Variants in IL1RAPL1 observed in about 807,000 individuals in gnomAD.
IL1RAPL1 encodes the protein interleukin 1 receptor accessory protein like 1.
A neutral mutation model predicts 48.4 loss-of-function variants in IL1RAPL1; 3 were observed. The ratio of observed to expected loss-of-function variants is 0.06; its 90% CI spans 0.03 to 0.16. The LOEUF is 0.16. Among genes scored for constraint, IL1RAPL1 ranks in the 10% least tolerant of loss-of-function variants. IL1RAPL1 has a pLI of 1.00. For synonymous variants in IL1RAPL1, 185 were observed against 187.7 expected, an observed-to-expected ratio of 0.99 and a Z score of 0.12; for missense variants, 349 against 530.6, an observed-to-expected ratio of 0.66 and a Z score of 3.36.
intron 1 of IL1RAPL1, among the ~76,000 whole-genome samples, chrX:28,751,639 G>A (rs1358467035): frequency 8.9e-6 from 1 of 112,185 alleles, no homozygotes; most frequent in African/African-American, 3.2e-5. Flanking sequence ...TGCTACAGCA[G>A]TAGATAAAAT....
intron 2 of IL1RAPL1, among the ~76,000 whole-genome samples, chrX:29,001,142 A>G (rs1490314033): frequency 1.8e-5 from 2 of 111,883 alleles, no homozygotes; most frequent in East Asian, 5.6e-4. Flanking sequence ...CATACTATAC[A>G]TTGCATGCTC....
intron 5 of IL1RAPL1, among the ~76,000 whole-genome samples, chrX:29,453,590 A>G (rs1230777020): frequency 9.0e-6 from 1 of 111,495 alleles, no homozygotes; most frequent in Non-Finnish European, 1.9e-5. Context: ...AGAAGATCAC[A>G]GTCCAACAAC....
chrX:28,769,387 T>C (rs901755558), intron 1 of IL1RAPL1, among the ~76,000 whole-genome samples: 1 of 110,717 alleles, frequency 9.0e-6, no homozygotes, highest in Non-Finnish European at 1.9e-5. Context: ...GGGCAGCCAG[T>C]GTTCAAGAGG....
chrX:29,710,333 C>A (rs1927303835), intron 6 of IL1RAPL1, among the ~76,000 whole-genome samples: 1 of 97,215 alleles, frequency 1.0e-5, no homozygotes, highest in Admixed American at 1.2e-4. Context: ...AGATTCATTT[C>A]TTCTATATCT....
chrX:28,936,424 T>C (rs1305382867), intron 2 of IL1RAPL1, among the ~76,000 whole-genome samples: 1 of 110,358 alleles, frequency 9.1e-6, no homozygotes, highest in Non-Finnish European at 1.9e-5. Context: ...GTGAGAGGAT[T>C]GCTTGAGCTC....
chrX:29,398,657 A>AGGTGCAATCATTGAAC (rs1287258160), intron 4 of IL1RAPL1, among the ~76,000 whole-genome samples: 2 of 112,406 alleles, frequency 1.8e-5, no homozygotes, highest in Non-Finnish European at 3.8e-5. Context: ...AATAGAATTT[A>AGGTGCAATCATTGAAC]GGTGCAATCA....
rs190126965 is a variant in IL1RAPL1, at chrX:28,681,613, A to G, written c.-25+93566A>G. On this transcript the variant is annotated intron_variant, in intron 1 of 10. Transcript: ENST00000378993. ...TGTACAGCAAGGTAACTACAATGAA[A>G]GATACTTGGAATTTGTTAAGAGGGT... Among the ~76,000 whole-genome samples, 16 of 111,775 alleles carry G rather than the reference A, an allele frequency of 1.4e-4. No homozygotes were observed. In the East Asian group the frequency reaches 4.5e-3, roughly 32 times the overall value.
At chrX:29,565,337 A>G (rs1922365438) in intron 5 of IL1RAPL1, among the ~76,000 whole-genome samples, 1 of 110,256 alleles carries the variant, frequency 9.1e-6, no homozygotes, top group Non-Finnish European at 1.9e-5. Flanking sequence ...AAAAAAAAAC[A>G]CAAACATTTA....
In IL1RAPL1 at chrX:29,311,436, C is replaced by T. The variant is rs112330790; in HGVS notation, c.362+28219C>T. Among the ~76,000 whole-genome samples the T allele has an allele frequency of 3.7e-3, 418 of 111,778 alleles. 3 individuals carry two copies. The highest frequency in any genetic ancestry group is 0.012 in the African/African-American group (378 of 30,779). On this transcript the variant is annotated intron_variant, in intron 3 of 10. Coordinates refer to ENST00000378993, the MANE Select transcript of IL1RAPL1 (RefSeq NM_014271.4). ...GAATACTAGCCTGTCTATGTGCTGC[C>T]AAAGCGAGCACAGGAATACTAGCCT...
intron 5 of IL1RAPL1, among the ~76,000 whole-genome samples, chrX:29,447,647 G>A (rs958809080): frequency 8.0e-5 from 9 of 112,040 alleles, no homozygotes; most frequent in African/African-American, 2.9e-4. Flanking sequence ...ATTATAGAAA[G>A]AGTCCTTATA....
At chrX:29,834,050 T>G (rs999576001) in intron 6 of IL1RAPL1, among the ~76,000 whole-genome samples, 19 of 112,064 alleles carry the variant, frequency 1.7e-4, no homozygotes, top group African/African-American at 5.5e-4. Context: ...CTAATCTATG[T>G]TTGCAGTAAT....
intron 2 of IL1RAPL1, among the ~76,000 whole-genome samples, chrX:28,992,432 G>C (rs1925625820): frequency 2.0e-5 from 2 of 101,179 alleles, no homozygotes; most frequent in Admixed American, 1.1e-4. Flanking sequence ...GGAGGTTGCA[G>C]TGAGCTGAGA....
At position 29,803,280 on chromosome X, in the gene IL1RAPL1, C is replaced by T. The variant is rs183365353; in HGVS notation, c.779-114184C>T. 1.2e-3 allele frequency among the ~76,000 whole-genome samples: 32 copies of T among 26,498 alleles called. 2 individuals are homozygous for T. Among genetic ancestry groups the T allele is most frequent in the African/African-American group, 5.4e-3 (31 of 5,793 alleles). 23.0% of individuals were successfully genotyped at this position (26,498 alleles called of 115,157 possible). ...ACACATGTATATATGTATACATATA[C>T]ACACATGTATATATGTATACATATA... On this transcript the variant is annotated intron_variant, in intron 6 of 10. Transcript: ENST00000378993.
intron 2 of IL1RAPL1, among the ~76,000 whole-genome samples, chrX:28,914,921 A>G (rs1001039585): frequency 1.1e-4 from 12 of 112,451 alleles, no homozygotes; most frequent in Non-Finnish European, 1.5e-4. Context: ...AACTACAGGC[A>G]TATGAAAATC....
intron 2 of IL1RAPL1, among the ~76,000 whole-genome samples, chrX:29,148,807 G>A (rs1302948329): frequency 3.6e-5 from 4 of 111,367 alleles, no homozygotes; most frequent in Non-Finnish European, 5.7e-5. Context: ...TGAAGCTTTC[G>A]GGATGGTTAT....
intron 6 of IL1RAPL1, among the ~76,000 whole-genome samples, chrX:29,689,584 T>A (rs1452444929): frequency 1.8e-5 from 2 of 111,937 alleles, no homozygotes; most frequent in Non-Finnish European, 3.8e-5. Flanking sequence ...GAAAATGTTA[T>A]GTGAACTCTA....
intron 2 of IL1RAPL1, among the ~76,000 whole-genome samples, chrX:29,001,614 T>C (rs765923291): frequency 8.9e-5 from 10 of 112,338 alleles, no homozygotes; most frequent in African/African-American, 3.2e-4. Flanking sequence ...TAGTGGATTT[T>C]AGTTTTTACT....
At chrX:28,897,312 G>A (rs1922948841) in intron 2 of IL1RAPL1, among the ~76,000 whole-genome samples, 1 of 111,323 alleles carries the variant, frequency 9.0e-6, no homozygotes, top group African/African-American at 3.3e-5. Context: ...CCTCTGAAAC[G>A]TGGGTGAATA....
intron 5 of IL1RAPL1, among the ~76,000 whole-genome samples, chrX:29,415,058 A>G (rs1053126877): frequency 8.9e-6 from 1 of 112,173 alleles, no homozygotes; most frequent in Non-Finnish European, 1.9e-5. Flanking sequence ...GTAAAATATA[A>G]CATAATAAGG....
Sources: gnomAD v4.1 joint callset for allele counts (sites outside exome capture counted in the v4.1 genomes callset) on GRCh38, gnomAD v4.1.1 for gene constraint, MANE v1.5 for transcripts, NCBI Gene and HGNC (gene_info 2026-07-23, HGNC 2026-07-21) for gene names.